Variants in SNX29 observed in about 807,000 individuals in gnomAD.
SNX29 encodes the protein sorting nexin-29.
A neutral mutation model predicts 102.1 loss-of-function variants in SNX29; 78 were observed. The observed-to-expected ratio is 0.76, with a 90% CI of 0.64 to 0.92. SNX29 has a LOEUF of 0.92. Ranked by LOEUF, SNX29 falls within the 40% of genes least tolerant of loss-of-function variation. The probability of loss-of-function intolerance (pLI) is 0.00; values close to 1 mark genes in which losing one functional copy is unlikely to be tolerated. For missense variants in SNX29, 1,280 were observed against 1,061.7 expected (o/e 1.21, Z -2.86); for synonymous variants, 580 against 414.5 (o/e 1.40, Z -4.85).
At chr16:12,110,506 G>A (rs1307982082) in intron 11 of SNX29, among the ~76,000 whole-genome samples, 1 of 152,156 alleles carries the variant, frequency 6.6e-6, no homozygotes, top group African/African-American at 2.4e-5. Flanking sequence ...TTGGCCTGCT[G>A]AGCCCTGTGA....
intron 20 of SNX29, among the ~76,000 whole-genome samples, chr16:12,548,216 G>A (rs565391066): frequency 1.3e-5 from 2 of 152,282 alleles, no homozygotes; most frequent in African/African-American, 2.4e-5. Flanking sequence ...GGCCACGCTG[G>A]ATCCTGCCAC....
chr16:12,527,893 C>T (rs1219551585), intron 20 of SNX29, among the ~76,000 whole-genome samples: 9 of 148,302 alleles, frequency 6.1e-5, no homozygotes, highest in Non-Finnish European at 1.0e-4. Flanking sequence ...GGCATGATCT[C>T]GGCTCACTGT....
intron 15 of SNX29, among the ~76,000 whole-genome samples, chr16:12,338,121 G>T (rs1421832083): frequency 1.3e-5 from 2 of 152,222 alleles, no homozygotes; most frequent in African/African-American, 4.8e-5. Context: ...TGGGTCATCA[G>T]TGTTTTCTGG....
At chr16:12,516,336 C>T (rs2089862824) in intron 19 of SNX29, among the ~76,000 whole-genome samples, 1 of 152,056 alleles carries the variant, frequency 6.6e-6, no homozygotes, top group South Asian at 2.1e-4. Context: ...AAAAATTAGC[C>T]AGACGTGGTG....
chr16:12,039,230 A>G (rs1456927319), intron 4 of SNX29, among the ~76,000 whole-genome samples: 2 of 152,246 alleles, frequency 1.3e-5, no homozygotes, highest in Non-Finnish European at 2.9e-5. Context: ...ATTGGTCATC[A>G]TGGACTGGGC....
chr16:12,540,822 C>T (rs986863298), intron 20 of SNX29, among the ~76,000 whole-genome samples: 3 of 152,122 alleles, frequency 2.0e-5, no homozygotes, highest in Admixed American at 6.5e-5. Context: ...AGAGAAGGGG[C>T]AAAAAGAAAC....
chr16:12,564,914 A>C (rs1229715129), intron 20 of SNX29, among the ~76,000 whole-genome samples: 1 of 131,094 alleles, frequency 7.6e-6, no homozygotes, highest in Non-Finnish European at 1.6e-5. Context: ...TGCAGCAGGG[A>C]CTGGAGGGAA....
chr16:12,508,616 C>T (rs2089477917), intron 19 of SNX29, among the ~76,000 whole-genome samples: 1 of 152,242 alleles, frequency 6.6e-6, no homozygotes, highest in African/African-American at 2.4e-5. Context: ...TCTCAAAGGG[C>T]TGTGGTCCGC....
chr16:12,527,067 C>G (rs889597146), intron 20 of SNX29: 7 of 434,858 alleles, frequency 1.6e-5, no homozygotes, highest in East Asian at 8.1e-5. Flanking sequence ...ACATGTTGGT[C>G]TAGACCCCAG....
chr16:12,300,189 T>A (rs773275953), intron 15 of SNX29, among the ~76,000 whole-genome samples: 3 of 152,238 alleles, frequency 2.0e-5, no homozygotes, highest in Non-Finnish European at 4.4e-5. Flanking sequence ...ATACAATTTC[T>A]TATGAGGTTT....
intron 14 of SNX29, among the ~76,000 whole-genome samples, chr16:12,222,022 G>C (rs1403077094): frequency 6.6e-6 from 1 of 152,196 alleles, no homozygotes; most frequent in Non-Finnish European, 1.5e-5. Context: ...GGATGATAAA[G>C]AATAAAAGCT....
chr16:12,554,276 T>TAC (rs1428964812), intron 20 of SNX29, among the ~76,000 whole-genome samples: 5 of 152,254 alleles, frequency 3.3e-5, no homozygotes, highest in Admixed American at 1.3e-4. Flanking sequence ...CATCTGTGTA[T>TAC]ACATGGGTGC....
intron 18 of SNX29, among the ~76,000 whole-genome samples, chr16:12,466,898 C>T (rs558027691): frequency 6.6e-6 from 1 of 152,186 alleles, no homozygotes; most frequent in Non-Finnish European, 1.5e-5. Context: ...TTGCATCTTC[C>T]TTTGGTGGAA....
At chr16:12,092,933 C>G (rs1399425450) in intron 11 of SNX29, among the ~76,000 whole-genome samples, 2 of 152,136 alleles carry the variant, frequency 1.3e-5, no homozygotes, top group Admixed American at 6.5e-5. Context: ...GGACATTTGG[C>G]CCATAACTTT....
At chr16:12,500,059 A>G (rs938256283) in intron 19 of SNX29, among the ~76,000 whole-genome samples, 8 of 152,120 alleles carry the variant, frequency 5.3e-5, no homozygotes, top group Non-Finnish European at 1.0e-4. Flanking sequence ...TGGCGTGATC[A>G]TAGCACACTG....
At chr16:12,285,796 G>A (rs948747542) in intron 15 of SNX29, among the ~76,000 whole-genome samples, 1 of 149,020 alleles carries the variant, frequency 6.7e-6, no homozygotes, top group African/African-American at 2.5e-5. Flanking sequence ...AAAACTCTGA[G>A]CTGAGATCTA....
At chr16:12,215,882 T>TTA (rs2077310746) in intron 14 of SNX29, among the ~76,000 whole-genome samples, 1 of 152,164 alleles carries the variant, frequency 6.6e-6, no homozygotes, top group Non-Finnish European at 1.5e-5. Flanking sequence ...GCTGCCCTCA[T>TTA]TATAGTGCTA....
At chr16:12,155,899 C>T (rs1305727926) in intron 13 of SNX29, among the ~76,000 whole-genome samples, 1 of 152,198 alleles carries the variant, frequency 6.6e-6, no homozygotes, top group East Asian at 1.9e-4. Context: ...GCTCAAGATC[C>T]TGCAGTGGCT....
At chr16:12,183,732 A>G (rs371303964) in intron 13 of SNX29, among the ~76,000 whole-genome samples, 14 of 152,350 alleles carry the variant, frequency 9.2e-5, no homozygotes, top group Admixed American at 1.3e-4. Context: ...AAGGCATTCT[A>G]AGTCACTGGA....
Sources: allele counts gnomAD v4.1 joint callset (sites outside exome capture counted in the v4.1 genomes callset), GRCh38; gene constraint gnomAD v4.1.1; transcripts MANE v1.5; gene names NCBI Gene and HGNC (gene_info 2026-07-23, HGNC 2026-07-21).